Variants in ZNF827 observed in about 807,000 individuals in gnomAD.
ZNF827 encodes the protein zinc finger protein 827.
ZNF827 carries 13 observed loss-of-function variants against 102.4 expected under a neutral mutation model. The observed-to-expected ratio is 0.13, with a 90% CI of 0.08 to 0.20. The LOEUF (loss-of-function observed/expected upper bound fraction) is 0.20, where lower values mean the gene tolerates loss of function less well. ZNF827 is among the 10% of genes least tolerant of loss of function. The probability of loss-of-function intolerance (pLI) is 1.00; values close to 1 mark genes in which losing one functional copy is unlikely to be tolerated. For missense variants in ZNF827, 1,103 were observed against 1,344.4 expected, an observed-to-expected ratio of 0.82 and a Z score of 2.81; for synonymous variants, 523 against 536.2, an observed-to-expected ratio of 0.98 and a Z score of 0.34.
chr4:145,834,021 CCTT>C (rs1390789618), intron 7 of ZNF827, among the ~76,000 whole-genome samples: 6 of 152,082 alleles, frequency 3.9e-5, no homozygotes, highest in Non-Finnish European at 8.8e-5. Context: ...CTCCATTCCT[CCTT>C]CTACTCCCTT....
intron 8 of ZNF827, among the ~76,000 whole-genome samples, chr4:145,796,938 TTCC>T (rs1272720255): frequency 6.6e-6 from 1 of 152,094 alleles, no homozygotes; most frequent in Non-Finnish European, 1.5e-5. Context: ...GCCTCATTTG[TTCC>T]TCCTAACAAC....
chr4:145,910,998 A>G (rs1413823600), intron 1 of ZNF827, among the ~76,000 whole-genome samples: 1 of 152,248 alleles, frequency 6.6e-6, no homozygotes, highest in Non-Finnish European at 1.5e-5. Context: ...GTCAATTATT[A>G]TTTGTCCAAT....
chr4:145,828,827 T>A (rs1743921808), intron 7 of ZNF827, among the ~76,000 whole-genome samples: 1 of 152,096 alleles, frequency 6.6e-6, no homozygotes, highest in Non-Finnish European at 1.5e-5. Context: ...AGACTTACAA[T>A]AAATAATAAA....
At chr4:145,881,422 C>T (rs1054332951) in intron 4 of ZNF827, among the ~76,000 whole-genome samples, 4 of 152,174 alleles carry the variant, frequency 2.6e-5, no homozygotes, top group African/African-American at 4.8e-5. Context: ...AATGACATAT[C>T]TTTTATTTTG....
intron 1 of ZNF827, chr4:145,907,160 T>C (rs1265981983): frequency 2.2e-6 from 1 of 456,300 alleles, no homozygotes; most frequent in East Asian, 6.9e-5. Context: ...CTCAAACAAA[T>C]ATGTCTGTGT....
chr4:145,921,653 G>T (rs1390542048), intron 1 of ZNF827, among the ~76,000 whole-genome samples: 1 of 151,160 alleles, frequency 6.6e-6, no homozygotes, highest in Non-Finnish European at 1.5e-5. Context: ...GAAAAGGAAG[G>T]GGGTGGCATT....
At chr4:145,921,697 G>A (rs1477566533) in intron 1 of ZNF827, among the ~76,000 whole-genome samples, 1 of 152,090 alleles carries the variant, frequency 6.6e-6, no homozygotes, top group African/African-American at 2.4e-5. Flanking sequence ...TCAGATGAGT[G>A]GGTTCATGGA....
intron 8 of ZNF827, among the ~76,000 whole-genome samples, chr4:145,800,803 C>G (rs1480587084): frequency 6.6e-6 from 1 of 152,184 alleles, no homozygotes; most frequent in East Asian, 1.9e-4. Flanking sequence ...AAAAGTAACA[C>G]CAGACACTGC....
chr4:145,905,545 T>C (rs932255519), intron 1 of ZNF827, among the ~76,000 whole-genome samples: 25 of 152,346 alleles, frequency 1.6e-4, no homozygotes, highest in African/African-American at 5.8e-4. Context: ...CATTTCCTCC[T>C]TCCCAGTTGA....
intron 8 of ZNF827, among the ~76,000 whole-genome samples, chr4:145,782,032 G>C (rs1218781113): frequency 1.3e-5 from 2 of 152,238 alleles, no homozygotes; most frequent in Non-Finnish European, 2.9e-5. Context: ...CTGTGCTGCA[G>C]CTGAGTGGGA....
At position 145,765,143 on chromosome 4, in the gene ZNF827, G is replaced by A; in HGVS notation, c.3075C>T (p.Asn1025=). 6.2e-7 allele frequency: 1 copy of A among 1,612,548 alleles called. No individual in the cohort carries two copies. The highest frequency in any genetic ancestry group is 8.5e-7 in the Non-Finnish European group (1 of 1,179,318). The part of the protein sequence containing the change: ...PEKGFECVFC[N]FVCKTKNMFE... Reference sequence around the variant, plus strand: ...ACATGTTCTTCGTCTTGCAGACAAAGTTGCAAAAAACACATTCGAACCCTG... The same window carrying A: ...ACATGTTCTTCGTCTTGCAGACAAAATTGCAAAAAACACATTCGAACCCTG... Residue 1025 remains asparagine, a synonymous_variant, in exon 13 of 15, where the codon AAC becomes AAT. Coordinates refer to ENST00000508784, the MANE Select transcript of ZNF827 (RefSeq NM_001306215.2). This position sits in a 1 kb window ranked among gnomAD's most constrained non-coding sequence, Gnocchi z 4.7.
At chr4:145,889,156 A>G (rs1359857392) in intron 3 of ZNF827, among the ~76,000 whole-genome samples, 1 of 152,228 alleles carries the variant, frequency 6.6e-6, no homozygotes, top group African/African-American at 2.4e-5. Context: ...CTAAGTTCTC[A>G]GCACTAAAGA....
rs185465643 is a variant in ZNF827, at chr4:145,899,748, A to C, written c.1093+2418T>G. 8.8e-4 allele frequency among the ~76,000 whole-genome samples: 134 copies of C among 152,314 alleles called. 1 individual carries two copies. The highest frequency in any genetic ancestry group is 1.8e-3 in the Non-Finnish European group (121 of 68,028). ...ACTCTGCTGATGAAGCTGCTTCTTC[A>C]AGTCTTAGACTGAACAGAGGCATGT... On this transcript the variant is annotated intron_variant, in intron 2 of 14. Transcript: ENST00000508784.
intron 8 of ZNF827, chr4:145,820,175 C>T (rs1012126481): frequency 6.5e-6 from 1 of 152,728 alleles, no homozygotes; most frequent in Admixed American, 6.5e-5. Flanking sequence ...ATGATATTCT[C>T]TTCTAGCACT....
intron 2 of ZNF827, among the ~76,000 whole-genome samples, chr4:145,896,489 C>A (rs891479226): frequency 1.3e-5 from 2 of 152,108 alleles, no homozygotes; most frequent in African/African-American, 4.8e-5. Flanking sequence ...CTTTGTGTCT[C>A]CAGCCCCCAA....
At chr4:145,895,107 A>T (rs1750876282) in intron 2 of ZNF827, among the ~76,000 whole-genome samples, 1 of 152,214 alleles carries the variant, frequency 6.6e-6, no homozygotes, top group Admixed American at 6.5e-5. Flanking sequence ...AAATTCCTAA[A>T]CTACCTAATT....
chr4:145,827,660 T>C (rs1310672152), intron 7 of ZNF827, among the ~76,000 whole-genome samples: 1 of 152,234 alleles, frequency 6.6e-6, no homozygotes, highest in Non-Finnish European at 1.5e-5. Flanking sequence ...CATACACAAC[T>C]GTGTATTAAT....
At chr4:145,812,405 C>T (rs192104127) in intron 8 of ZNF827, among the ~76,000 whole-genome samples, 54 of 152,256 alleles carry the variant, frequency 3.5e-4, no homozygotes, top group Non-Finnish European at 6.9e-4. Context: ...AATGCCTTAA[C>T]GTTTCTTTAG....
chr4:145,871,733 G>A (rs1748702816), intron 4 of ZNF827, among the ~76,000 whole-genome samples: 1 of 152,070 alleles, frequency 6.6e-6, no homozygotes, highest in African/African-American at 2.4e-5. Flanking sequence ...CCTACTCCAA[G>A]CCAATACTCA....
Sources: allele counts gnomAD v4.1 joint callset (sites outside exome capture counted in the v4.1 genomes callset), GRCh38; gene constraint gnomAD v4.1.1; non-coding constraint Gnocchi (gnomAD v3.1); transcripts MANE v1.5; gene names NCBI Gene and HGNC (gene_info 2026-07-23, HGNC 2026-07-21).